ARPIN: variants seen among roughly 807,000 people sequenced by gnomAD.
ARPIN encodes the protein actin related protein 2/3 complex inhibitor, also known as UPF0552 protein C15orf38.
In ARPIN, 23 loss-of-function variants were observed where a neutral mutation model predicts 25.9. The observed-to-expected ratio is 0.89, with a 90% CI of 0.64 to 1.26. The LOEUF (loss-of-function observed/expected upper bound fraction) is 1.26. Ranked by LOEUF, ARPIN falls within the 50% of genes most tolerant of loss-of-function variation. ARPIN has a pLI of 0.00. For missense variants in ARPIN, 333 were observed against 312.2 expected (o/e 1.07, Z -0.50); for synonymous variants, 126 against 131.4 (o/e 0.96, Z 0.28).
intron 3 of ARPIN, 55 bp downstream of exon 3, chr15:89,908,225 G>A: frequency 6.2e-7 from 1 of 1,607,094 alleles, no homozygotes; most frequent in South Asian, 1.1e-5. Flanking sequence ...GAAGAGAAAG[G>A]CCGCCACACT....
In ARPIN at chr15:89,901,842, A is replaced by G. The variant is rs146903590; in HGVS notation, c.673-39T>C. On this transcript the variant is annotated intron_variant, in intron 5 of 5. Coordinates refer to ENST00000357484, the MANE Select transcript of ARPIN (RefSeq NM_182616.4). The stretch of plus-strand genomic sequence containing the variant: ...AGGGGTAAAGAGATGTGGAGACAGC[A>G]CATGTCATAAACGTCACTGCAAGTT... 3.3e-5 allele frequency: 53 copies of G among 1,611,980 alleles called. No homozygotes were observed. The African/African-American group carries it at 5.3e-4, about 16-fold the overall frequency.
At chr15:89,903,581 C>A (rs767396566) in intron 4 of ARPIN, among the ~76,000 whole-genome samples, 196 bp downstream of exon 4, 5 of 152,184 alleles carry the variant, frequency 3.3e-5, no homozygotes, top group Non-Finnish European at 5.9e-5. Flanking sequence ...TGGGTGGCAC[C>A]CGGGGATCCA....
At position 89,912,814 on chromosome 15, in the gene ARPIN, C is replaced by T; in HGVS notation, c.22G>A (p.Gly8Ser). The T allele has an allele frequency of 1.3e-6, 2 of 1,525,028 alleles. No homozygotes were observed. Among genetic ancestry groups the T allele is most frequent in the East Asian group, 2.7e-5 (1 of 37,270 alleles). The allele number at this position is 1,525,028 out of a possible 1,614,324, so 94.5% of individuals were successfully genotyped here. A position where few individuals can be genotyped will look rare whatever the true frequency, so the allele number is the denominator to read the frequency against. MSRIYHDGALRNKAVQSV... is the reference protein window; with the variant it reads MSRIYHDSALRNKAVQSV... ...TGCACCGCCTTGTTCCGGAGCGCGC[C>T]GTCGTGGTAGATGCGGCTCATTCTC... Residue 8 changes from glycine (G) to serine (S), a missense_variant, in exon 1 of 6, where the codon GGC becomes AGC. Transcript: ENST00000357484.
At chr15:89,904,465 T>G (rs1224387102) in intron 3 of ARPIN, among the ~76,000 whole-genome samples, 1 of 152,054 alleles carries the variant, frequency 6.6e-6, no homozygotes, top group Non-Finnish European at 1.5e-5. Flanking sequence ...ACACATTCCA[T>G]CTTGAGACCC....
rs1044099255 is a variant in ARPIN at position 89,898,856 on chromosome 15, C to A, written c.*2939G>T. ...GCCCTGCTGTAGTTCCTCAACTCCCCACAGGTGTATCTAGGAAGGCTTCTG... is the reference window on the plus strand; with the variant it reads ...GCCCTGCTGTAGTTCCTCAACTCCCAACAGGTGTATCTAGGAAGGCTTCTG... On this transcript the variant is annotated 3_prime_UTR_variant, in exon 6 of 6. Transcript: ENST00000357484. 89 of 152,224 alleles carry A rather than the reference C, an allele frequency of 5.8e-4. No homozygotes were observed. The highest frequency in any genetic ancestry group is 2.1e-3 in the African/African-American group (86 of 41,458). 9.4% of individuals were successfully genotyped at this position (152,224 alleles called of 1,614,324 possible). A position where few individuals can be genotyped will look rare whatever the true frequency, so the allele number is the denominator to read the frequency against.
Position 89,903,239 on chromosome 15 carries a change from C to A in ARPIN, c.649G>T (p.Asp217Tyr), listed in dbSNP as rs35321360. 24 of 1,614,130 alleles carry A rather than the reference C, an allele frequency of 1.5e-5. No individual in the cohort carries two copies. Among genetic ancestry groups the A allele is most frequent in the Non-Finnish European group, 1.8e-5 (21 of 1,180,052 alleles). ...GAAAEIREQG[D>Y]GAEDEEWDD ...ACCCACTCCTCGTCCTCTGCCCCAT[C>A]CCCCTGCTCTCGGATCTCCGCTGCA... is the stretch of plus-strand genomic sequence containing the variant. Residue 217 changes from aspartate (D) to tyrosine (Y), a missense_variant, in exon 5 of 6, where the codon GAT (aspartate) becomes TAT (tyrosine). Asp to Tyr is a radical substitution (Grantham distance 160). Transcript: ENST00000357484.
At chr15:89,904,699 A>G (rs1040168961) in intron 3 of ARPIN, among the ~76,000 whole-genome samples, 1 of 152,230 alleles carries the variant, frequency 6.6e-6, no homozygotes, top group Non-Finnish European at 1.5e-5. Flanking sequence ...TCACAAGGCC[A>G]CACCCCAGCA....
rs1460427233 is a variant in ARPIN at position 89,910,832 on chromosome 15, G to A, written c.93-13C>T. ...GACACCATTTCCCCTGGGGATGAAA[G>A]GGAAAGAAAGGATAGCCAGTTTTGT... is the stretch of plus-strand genomic sequence containing the variant. On this transcript the variant is annotated splice_polypyrimidine_tract_variant and intron_variant, in intron 1 of 5. Coordinates refer to ENST00000357484, the MANE Select transcript of ARPIN (RefSeq NM_182616.4). 1 of 1,613,724 alleles carries A rather than the reference G, an allele frequency of 6.2e-7. No individual in the cohort carries two copies. Among genetic ancestry groups the A allele is most frequent in the African/African-American group, 1.3e-5 (1 of 74,882 alleles).
In ARPIN at chr15:89,903,800, G is replaced by GTCT; in HGVS notation, c.482_484dup (p.Lys161dup). The GTCT allele has an allele frequency of 6.2e-7, 1 of 1,614,188 alleles. No individual in the cohort carries two copies. Among genetic ancestry groups the GTCT allele is most frequent in the Non-Finnish European group, 8.5e-7 (1 of 1,180,036 alleles). On this transcript the variant is annotated inframe_insertion, in exon 4 of 6. Coordinates refer to ENST00000357484, the MANE Select transcript of ARPIN (RefSeq NM_182616.4). ...ACCCAGGAAGGGACCATCGCCCCGA[G>GTCT]TCTTCAGCCGTACCCCGGCCCCCAG... is the stretch of plus-strand genomic sequence containing the variant.
chr15:89,912,506 T>C, intron 1 of ARPIN: 1 of 1,292,094 alleles, frequency 7.7e-7, no homozygotes, highest in Non-Finnish European at 9.8e-7. Flanking sequence ...CGGGACCCTC[T>C]CTCGAGGGCA....
At chr15:89,901,907 G>A (rs1456982719) in intron 5 of ARPIN, 104 bp from the exon 6 acceptor site, 4 of 1,365,826 alleles carry the variant, frequency 2.9e-6, no homozygotes, top group East Asian at 2.4e-5. Context: ...TACCTGTGGG[G>A]CCCATGAGTG....
intron 3 of ARPIN, among the ~76,000 whole-genome samples, chr15:89,907,352 G>A (rs1278285138): frequency 6.6e-6 from 1 of 152,068 alleles, no homozygotes; most frequent in Admixed American, 6.6e-5. Context: ...ATAGGCATGA[G>A]CCACCACACT....
Position 89,903,266 on chromosome 15 carries a change from C to T in ARPIN, c.622G>A (p.Ala208Thr), listed in dbSNP as rs1897054914. Residue 208 changes from alanine to threonine, a missense_variant, in exon 5 of 6, where the codon GCT (alanine) becomes ACT (threonine). Ala to Thr is a moderately conservative substitution (Grantham distance 58). Transcript: ENST00000357484. ...CCCTGCTCTCGGATCTCCGCTGCAG[C>T]CCCCTTCGAACACTTTTGGGCCATG... Reference protein sequence around the residue: ...NIMAQKCSKGAAAEIREQGDG... With the variant: ...NIMAQKCSKGTAAEIREQGDG... 1 of 1,614,242 alleles carries T rather than the reference C, an allele frequency of 6.2e-7. No individual in the cohort carries two copies. Among genetic ancestry groups the T allele is most frequent in the Non-Finnish European group, 8.5e-7 (1 of 1,180,048 alleles).
intron 2 of ARPIN, 84 bp from the exon 3 acceptor site, chr15:89,908,496 C>T: frequency 6.3e-7 from 1 of 1,578,782 alleles, no homozygotes; most frequent in African/African-American, 1.4e-5. Flanking sequence ...CCCCGCCAAC[C>T]TCACATCTAC....
chr15:89,908,263 G>A lies in ARPIN; in HGVS notation c.301+17C>T. On this transcript the variant is annotated intron_variant, in intron 3 of 5. Transcript: ENST00000357484. The stretch of plus-strand genomic sequence containing the variant: ...AGGAGGGCCCTGAGGGAGAGAGGGA[G>A]GGCAGAGGATACCTACTGTAGGACG... 3 of 1,613,858 alleles carry A rather than the reference G, an allele frequency of 1.9e-6. No individual in the cohort carries two copies. The highest frequency in any genetic ancestry group is 2.5e-6 in the Non-Finnish European group (3 of 1,179,836).
Position 89,901,716 on chromosome 15 carries a change from C to A in ARPIN, c.*79G>T. 6.5e-7 allele frequency: 1 copy of A among 1,535,322 alleles called. No individual in the cohort carries two copies. The highest frequency in any genetic ancestry group is 9.0e-7 in the Non-Finnish European group (1 of 1,110,328). On this transcript the variant is annotated 3_prime_UTR_variant, in exon 6 of 6. Coordinates refer to ENST00000357484, the MANE Select transcript of ARPIN (RefSeq NM_182616.4). ...AGACTTGGCAGACTGTTCTCTCCAG[C>A]TCCAGAGTAGAAGTTCATGGAAGAA...
intron 3 of ARPIN, 102 bp downstream of exon 3, chr15:89,908,178 G>T: frequency 6.5e-7 from 1 of 1,548,684 alleles, no homozygotes; most frequent in East Asian, 2.3e-5. Flanking sequence ...AACATCAAGA[G>T]GGCTGAAGAG....
chr15:89,898,358 C>G lies in ARPIN; in HGVS notation c.*3437G>C, dbSNP rs1487325564. 1.3e-5 allele frequency: 2 copies of G among 152,108 alleles called. No individual in the cohort carries two copies. The highest frequency in any genetic ancestry group is 2.4e-5 in the African/African-American group (1 of 41,392). 9.4% of individuals were successfully genotyped at this position (152,108 alleles called of 1,614,324 possible). On this transcript the variant is annotated 3_prime_UTR_variant, in exon 6 of 6. Transcript: ENST00000357484. ...GTGACCTGCTCTGGGAACAGCCAGC[C>G]CCTCCATGGGACCAACACAGCCCTT...
chr15:89,907,704 G>C (rs1296030299), intron 3 of ARPIN, among the ~76,000 whole-genome samples: 1 of 152,218 alleles, frequency 6.6e-6, no homozygotes, highest in Non-Finnish European at 1.5e-5. Flanking sequence ...TCTGGAGGCT[G>C]AGGAGGGAGG....
Sources: gnomAD v4.1 joint callset for allele counts (sites outside exome capture counted in the v4.1 genomes callset) on GRCh38, gnomAD v4.1.1 for gene constraint, MANE v1.5 for transcripts, NCBI Gene and HGNC (gene_info 2026-07-23, HGNC 2026-07-21) for gene names.